ZFHX3: variants seen among roughly 807,000 people sequenced by gnomAD.
ZFHX3 encodes zinc finger homeobox 3.
Under a neutral mutation model 279.1 loss-of-function variants are expected in ZFHX3, and 42 were observed. The ratio of observed to expected loss-of-function variants is 0.15; its 90% CI spans 0.12 to 0.19. The LOEUF is 0.19. Ranked by LOEUF, ZFHX3 falls within the 10% of genes least tolerant of loss-of-function variation. ZFHX3 has a pLI of 1.00. For synonymous variants in ZFHX3, 2,293 were observed against 1,957.8 expected (o/e 1.17, Z -4.52); for missense variants, 4,981 against 4,754.0 (o/e 1.05, Z -1.40).
chr16:73,859,711 T>C (rs895782195), intron 1 of ZFHX3, among the ~76,000 whole-genome samples: 1 of 152,042 alleles, frequency 6.6e-6, no homozygotes, highest in Non-Finnish European at 1.5e-5. Context: ...GGAGAAACGT[T>C]CTCTTTTAGC....
intron 3 of ZFHX3, among the ~76,000 whole-genome samples, chr16:72,948,716 A>G (rs1960828753): frequency 1.3e-5 from 2 of 152,166 alleles, no homozygotes; most frequent in Admixed American, 6.5e-5. Context: ...CCACCTCTAA[A>G]CGACCTTCAT....
chr16:73,494,967 G>C (rs182543570), intron 2 of ZFHX3, among the ~76,000 whole-genome samples: 5 of 152,284 alleles, frequency 3.3e-5, no homozygotes, highest in Non-Finnish European at 4.4e-5. Flanking sequence ...GAGTGGTGTT[G>C]AGTTCCACTC....
intron 1 of ZFHX3, among the ~76,000 whole-genome samples, chr16:73,880,792 C>T (rs188676226): frequency 6.6e-6 from 1 of 152,254 alleles, no homozygotes; most frequent in African/African-American, 2.4e-5. Flanking sequence ...TTAACATCTA[C>T]CAAGAATATC....
At chr16:73,629,381 A>G (rs2052447571) in intron 2 of ZFHX3, among the ~76,000 whole-genome samples, 1 of 152,170 alleles carries the variant, frequency 6.6e-6, no homozygotes, top group Admixed American at 6.5e-5. Context: ...TTAGGGAAAA[A>G]AAAAAGTCAG....
chr16:73,555,944 T>C (rs2020275801), intron 2 of ZFHX3, among the ~76,000 whole-genome samples: 1 of 151,882 alleles, frequency 6.6e-6, no homozygotes, highest in Non-Finnish European at 1.5e-5. Context: ...TTTGTTTAAG[T>C]GTCTAGAGAG....
In ZFHX3 at chr16:72,787,435, C is replaced by T. The variant is rs760832768; in HGVS notation, c.10841G>A (p.Arg3614Lys). Residue 3614 changes from arginine (R) to lysine (K), a missense_variant, in exon 10 of 10, where the codon AGG (arginine) becomes AAG (lysine). Transcript: ENST00000268489. Reference protein sequence around the residue: ...APSSASPHASRKSWPQVVSRA... With the variant: ...APSSASPHASKKSWPQVVSRA... ...GGAGACCACTTGCGGCCAAGACTTC[C>T]TGGAGGCGTGGGGGGAAGCGGAGGA... is the stretch of plus-strand genomic sequence containing the variant. 4 of 1,453,086 alleles carry T rather than the reference C, an allele frequency of 2.8e-6. No homozygotes were observed. The East Asian group carries it at 8.6e-5, about 31-fold the overall frequency. 90.0% of individuals were successfully genotyped at this position (1,453,086 alleles called of 1,614,324 possible). A position where few individuals can be genotyped will look rare whatever the true frequency, so the allele number is the denominator to read the frequency against.
chr16:72,816,106 A>G (rs2036598341), intron 5 of ZFHX3, among the ~76,000 whole-genome samples: 1 of 152,086 alleles, frequency 6.6e-6, no homozygotes, highest in South Asian at 2.1e-4. Context: ...GAAGAAAATG[A>G]TCATTGCCTT....
rs535338594 is a variant in ZFHX3, at chr16:73,133,160, C to T, written c.-1023-2066G>A. On this transcript the variant is annotated intron_variant, in intron 6 of 17. Transcript: ENST00000641206. ...AATTCTAATGTGTAACTGAGTGTTA[C>T]GGTGGAATTATGTCCATAACCCCCA... Among the ~76,000 whole-genome samples, 14 of 152,292 alleles carry T rather than the reference C, an allele frequency of 9.2e-5. No homozygotes were observed. The East Asian group carries it at 1.2e-3, about 13-fold the overall frequency.
rs370620894 is a variant in ZFHX3 at position 72,889,058 on chromosome 16, TGGAGGGAG to T, written c.3448+665_3448+672del. ...TCCCTATGGAAGGCGGAGTCATGGGTGGAGGGAGGGAGGGAGGTGGGGAAAAAGGTGGC... is the reference window on the plus strand; with the variant it reads ...TCCCTATGGAAGGCGGAGTCATGGGTGGAGGGAGGTGGGGAAAAAGGTGGC... On this transcript the variant is annotated intron_variant, in intron 4 of 9. Transcript: ENST00000268489. 4.4e-3 allele frequency among the ~76,000 whole-genome samples: 601 copies of T among 135,638 alleles called. 4 individuals carry two copies. The highest frequency in any genetic ancestry group is 0.015 in the African/African-American group (539 of 35,778). The allele number at this position is 135,638 out of a possible 152,430, so 89.0% of individuals were successfully genotyped here.
Position 72,870,170 on chromosome 16 carries a change from T to C in ZFHX3, c.3448+19561A>G, listed in dbSNP as rs188417000. On this transcript the variant is annotated intron_variant, in intron 4 of 9. Coordinates refer to ENST00000268489, the MANE Select transcript of ZFHX3 (RefSeq NM_006885.4). ...ACTTTGGGAGGCCAAAGCGGGCAGA[T>C]TGCTTGAGCCCAGGAGTTCAAGGCC... is the stretch of plus-strand genomic sequence containing the variant. Among the ~76,000 whole-genome samples, 17 of 152,126 alleles carry C rather than the reference T, an allele frequency of 1.1e-4. No individual in the cohort carries two copies. In the South Asian group the frequency reaches 1.2e-3, roughly 11 times the overall value.
intron 1 of ZFHX3, among the ~76,000 whole-genome samples, chr16:73,759,162 C>CA (rs2053839199): frequency 6.6e-6 from 1 of 152,164 alleles, no homozygotes; most frequent in Admixed American, 6.5e-5. Context: ...TTCTCTCTTA[C>CA]ATGAAAGTCT....
At chr16:73,160,186 C>CA (rs1967195302) in intron 5 of ZFHX3, among the ~76,000 whole-genome samples, 1 of 152,136 alleles carries the variant, frequency 6.6e-6, no homozygotes, top group South Asian at 2.1e-4. Context: ...TTTCCTTATC[C>CA]AAACTAGAAA....
chr16:73,282,270 T>C (rs2014477598), intron 4 of ZFHX3, among the ~76,000 whole-genome samples: 1 of 152,210 alleles, frequency 6.6e-6, no homozygotes, highest in Admixed American at 6.5e-5. Flanking sequence ...GGAAGGATGG[T>C]GATCCTTTGC....
intron 9 of ZFHX3, chr16:72,789,466 G>C (rs914004054): frequency 6.6e-6 from 1 of 152,252 alleles, no homozygotes; most frequent in African/African-American, 2.4e-5. Flanking sequence ...TGGCCACGAG[G>C]TCCCCAGAGA....
intron 4 of ZFHX3, among the ~76,000 whole-genome samples, chr16:73,282,448 G>C (rs2014481210): frequency 6.6e-6 from 1 of 151,966 alleles, no homozygotes; most frequent in African/African-American, 2.4e-5. Context: ...AATTCTTTTG[G>C]CTATTCTATC....
chr16:73,184,716 A>G (rs1967873730), intron 5 of ZFHX3, among the ~76,000 whole-genome samples: 1 of 152,164 alleles, frequency 6.6e-6, no homozygotes, highest in South Asian at 2.1e-4. Flanking sequence ...AGTGAAATCC[A>G]TTTGCAAGGA....
chr16:73,348,340 C>T (rs562966318), intron 3 of ZFHX3, among the ~76,000 whole-genome samples: 3 of 152,310 alleles, frequency 2.0e-5, no homozygotes, highest in Admixed American at 6.5e-5. Context: ...AGTCTCCCTG[C>T]GATGGGTTGT....
chr16:73,523,642 T>C (rs931296130), intron 2 of ZFHX3, among the ~76,000 whole-genome samples: 5 of 150,214 alleles, frequency 3.3e-5, no homozygotes, highest in Non-Finnish European at 7.4e-5. Context: ...TTTTTTCATA[T>C]GTATATTCTG....
intron 1 of ZFHX3, among the ~76,000 whole-genome samples, chr16:73,742,264 A>G (rs535482350): frequency 6.6e-6 from 1 of 152,184 alleles, no homozygotes; most frequent in East Asian, 1.9e-4. Context: ...CACCCATTTT[A>G]AACACCTACA....
Sources: gnomAD v4.1 joint callset for allele counts (sites outside exome capture counted in the v4.1 genomes callset) on GRCh38, gnomAD v4.1.1 for gene constraint, MANE v1.5 for transcripts, NCBI Gene and HGNC (gene_info 2026-07-23, HGNC 2026-07-21) for gene names.